The following MIB1 variants were observed in gnomAD, a reference collection of about 807,000 sequenced individuals.
MIB1 encodes the protein MIB E3 ubiquitin protein ligase 1.
In MIB1, 278 loss-of-function variants were observed where a neutral mutation model predicts 124.5. The ratio of observed to expected loss-of-function variants is 2.23; its 90% CI spans 2.02 to 2.47. MIB1 has a LOEUF of 2.47. Ranked by LOEUF, MIB1 falls within the 30% of genes most tolerant of loss-of-function variation. The pLI is 0.00. For synonymous variants in MIB1, 446 were observed against 429.4 expected (o/e 1.04, Z -0.48); for missense variants, 957 against 1,254.4 (o/e 0.76, Z 3.58).
At chr18:21,713,171 G>A (rs1057177766) in intron 1 of MIB1, among the ~76,000 whole-genome samples, 16 of 152,026 alleles carry the variant, frequency 1.1e-4, no homozygotes, top group Admixed American at 7.9e-4. Flanking sequence ...GTCTCACTAT[G>A]TTGCCCTGAC....
intron 6 of MIB1, among the ~76,000 whole-genome samples, chr18:21,787,669 G>T (rs1427246090): frequency 6.6e-6 from 1 of 152,008 alleles, no homozygotes; most frequent in African/African-American, 2.4e-5. Flanking sequence ...TTATCTGCTT[G>T]GCGTTTTTCA....
intron 1 of MIB1, among the ~76,000 whole-genome samples, chr18:21,719,455 A>T (rs73439814): frequency 0.022 from 3,371 of 151,444 alleles, 108 homozygotes; most frequent in African/African-American, 0.072. Flanking sequence ...TTTAAAAAAA[A>T]TTTTTTTTTG....
chr18:21,824,268 A>G (rs773514203), intron 12 of MIB1, among the ~76,000 whole-genome samples: 38 of 152,296 alleles, frequency 2.5e-4, no homozygotes, highest in Non-Finnish European at 3.8e-4. Flanking sequence ...TTGCTTACTA[A>G]TTCCCACAAA....
At chr18:21,803,188 A>G (rs1203922289) in intron 9 of MIB1, among the ~76,000 whole-genome samples, 1 of 151,842 alleles carries the variant, frequency 6.6e-6, no homozygotes, top group Non-Finnish European at 1.5e-5. Flanking sequence ...TACCTTTTAA[A>G]TTATTTTATT....
intron 2 of MIB1, among the ~76,000 whole-genome samples, chr18:21,766,373 C>T (rs2070135369): frequency 6.8e-6 from 1 of 146,262 alleles, no homozygotes; most frequent in African/African-American, 2.4e-5. Flanking sequence ...ATAAATAAGA[C>T]ACATAGTATT....
chr18:21,766,727 G>T (rs1011533192), intron 2 of MIB1, among the ~76,000 whole-genome samples: 3 of 151,898 alleles, frequency 2.0e-5, no homozygotes, highest in Non-Finnish European at 1.5e-5. Context: ...TAAAATTAAG[G>T]AATAATAAAG....
intron 1 of MIB1, among the ~76,000 whole-genome samples, chr18:21,744,544 T>A (rs2040891855): frequency 6.6e-6 from 1 of 152,236 alleles, no homozygotes; most frequent in Non-Finnish European, 1.5e-5. Flanking sequence ...CCTACTAGTA[T>A]TCTTTTTCTC....
In MIB1 at chr18:21,815,674, T is replaced by TAGAA. The variant is rs1568213236; in HGVS notation, c.1539_1542dup (p.Val515ArgfsTer7). The TAGAA allele has an allele frequency of 6.2e-7, 1 of 1,614,192 alleles. No individual in the cohort carries two copies. The highest frequency in any genetic ancestry group is 1.7e-5 in the Admixed American group (1 of 60,026). On this transcript the variant is annotated frameshift_variant, in exon 11 of 21. Transcript: ENST00000261537. LOFTEE classifies it high-confidence loss of function. The stretch of plus-strand genomic sequence containing the variant: ...GCTTTTGGAGATGAAGGCGCTGTTA[T>TAGAA]AGAAGTACTACATCGAGGTAGTGCT...
intron 7 of MIB1, among the ~76,000 whole-genome samples, chr18:21,796,883 A>G (rs1238081930): frequency 3.9e-5 from 6 of 152,208 alleles, no homozygotes; most frequent in Non-Finnish European, 8.8e-5. Context: ...CGAGTTATTA[A>G]AACTACACCA....
At chr18:21,823,150 C>T (rs889880838) in intron 12 of MIB1, among the ~76,000 whole-genome samples, 1 of 151,382 alleles carries the variant, frequency 6.6e-6, no homozygotes, top group Non-Finnish European at 1.5e-5. Context: ...ATGAGAATCA[C>T]CTGAACCCAG....
At chr18:21,777,651 T>C (rs1224333279) in intron 4 of MIB1, among the ~76,000 whole-genome samples, 1 of 151,542 alleles carries the variant, frequency 6.6e-6, no homozygotes, top group African/African-American at 2.4e-5. Flanking sequence ...GCCTCCCGGG[T>C]TCAAGCGATT....
chr18:21,770,460 T>A (rs1024789146), intron 3 of MIB1, among the ~76,000 whole-genome samples: 4 of 152,030 alleles, frequency 2.6e-5, no homozygotes, highest in Non-Finnish European at 4.4e-5. Flanking sequence ...CCACGTTAAT[T>A]GTATGTAGTG....
intron 8 of MIB1, among the ~76,000 whole-genome samples, 179 bp downstream of exon 8, chr18:21,798,407 A>G (rs548155748): frequency 6.6e-6 from 1 of 152,090 alleles, no homozygotes; most frequent in Non-Finnish European, 1.5e-5. Context: ...TGTTTTTTAT[A>G]ATGTGTTGAA....
chr18:21,749,608 T>A (rs1166433554), intron 1 of MIB1, among the ~76,000 whole-genome samples: 3 of 151,828 alleles, frequency 2.0e-5, no homozygotes, highest in Non-Finnish European at 2.9e-5. Flanking sequence ...TTGTGACAAC[T>A]GATACATTTT....
At chr18:21,781,484 G>A (rs2041367727) in intron 6 of MIB1, among the ~76,000 whole-genome samples, 1 of 148,556 alleles carries the variant, frequency 6.7e-6, no homozygotes. Context: ...CACGATGTCA[G>A]CTCATTGCAA....
chr18:21,835,784 A>ATATAT (rs1227455523), intron 12 of MIB1, among the ~76,000 whole-genome samples: 5 of 119,308 alleles, frequency 4.2e-5, no homozygotes, highest in African/African-American at 1.7e-4. Flanking sequence ...AAAAAAAAAA[A>ATATAT]ATATATATAT....
At position 21,815,011 on chromosome 18, in the gene MIB1, T is replaced by TTATATATATATA. The variant is rs60363843; in HGVS notation, c.1480-570_1480-559dup. ...ATGCTGAAAGTTCAAGCTGTTGGTT[T>TTATATATATATA]TATATATATATATATATATATATAT... On this transcript the variant is annotated intron_variant, in intron 10 of 20. Coordinates refer to ENST00000261537, the MANE Select transcript of MIB1 (RefSeq NM_020774.4). Among the ~76,000 whole-genome samples the TTATATATATATA allele has an allele frequency of 6.3e-3, 330 of 52,566 alleles. 2 individuals carry two copies. Among genetic ancestry groups the TTATATATATATA allele is most frequent in the African/African-American group, 6.7e-3 (108 of 16,020 alleles). The allele number at this position is 52,566 out of a possible 152,430, so 34.5% of individuals were successfully genotyped here. A position where few individuals can be genotyped will look rare whatever the true frequency, so the allele number is the denominator to read the frequency against.
At chr18:21,734,246 AC>A (rs2146366076) in intron 1 of MIB1, among the ~76,000 whole-genome samples, 1 of 151,608 alleles carries the variant, frequency 6.6e-6, no homozygotes, top group African/African-American at 2.4e-5. Context: ...AGCTGGGACT[AC>A]AGGCGCCCGC....
intron 9 of MIB1, among the ~76,000 whole-genome samples, chr18:21,802,296 A>G (rs1393267545): frequency 6.6e-6 from 1 of 152,094 alleles, no homozygotes; most frequent in Non-Finnish European, 1.5e-5. Flanking sequence ...AAAACTAGAA[A>G]TCATGTCATT....
Sources: gnomAD v4.1 joint callset for allele counts (sites outside exome capture counted in the v4.1 genomes callset) on GRCh38, gnomAD v4.1.1 for gene constraint, MANE v1.5 for transcripts, NCBI Gene and HGNC (gene_info 2026-07-23, HGNC 2026-07-21) for gene names.